SMYD3: variants seen among roughly 807,000 people sequenced by gnomAD.
SMYD3 encodes histone-lysine N-methyltransferase SMYD3.
Under a neutral mutation model 57.7 loss-of-function variants are expected in SMYD3, and 36 were observed. The ratio of observed to expected loss-of-function variants is 0.62; its 90% CI spans 0.48 to 0.82. The LOEUF (loss-of-function observed/expected upper bound fraction) is 0.82, where lower values mean the gene tolerates loss of function less well. SMYD3 is among the 40% of genes least tolerant of loss of function. SMYD3 has a pLI of 0.00. For missense variants in SMYD3, 515 were observed against 538.8 expected (o/e 0.96, Z 0.44); for synonymous variants, 211 against 195.0 (o/e 1.08, Z -0.68).
At chr1:246,131,585 T>G (rs1337015823) in intron 5 of SMYD3, among the ~76,000 whole-genome samples, 2 of 152,222 alleles carry the variant, frequency 1.3e-5, no homozygotes, top group African/African-American at 4.8e-5. Flanking sequence ...CCCAACACTG[T>G]GCGGGGCACA....
At position 246,480,041 on chromosome 1, in the gene SMYD3, G is replaced by A. The variant is rs1427217767; in HGVS notation, c.164+27013C>T. Among the ~76,000 whole-genome samples, 3 of 152,146 alleles carry A rather than the reference G, an allele frequency of 2.0e-5. No individual in the cohort carries two copies. The East Asian group carries it at 5.8e-4, about 29-fold the overall frequency. On this transcript the variant is annotated intron_variant, in intron 1 of 11. Coordinates refer to ENST00000490107, the MANE Select transcript of SMYD3 (RefSeq NM_001167740.2). ...TTGGATTCAGCCTGTGTATTTTTAG[G>A]TATCACTAAAAGAAGTTCAAGGATC...
At chr1:246,259,183 G>A (rs2063953966) in intron 5 of SMYD3, among the ~76,000 whole-genome samples, 1 of 152,094 alleles carries the variant, frequency 6.6e-6, no homozygotes, top group Non-Finnish European at 1.5e-5. Flanking sequence ...TGCAATTCAT[G>A]CTTTGAATTA....
rs770099302 is a variant in SMYD3 at position 245,863,813 on chromosome 1, A to C, written c.887T>G (p.Leu296Arg). ...CGAAAGGATACTCCAGTGTGCCTTC[A>C]GTTCTTCAATTTTTTTCAGGGATTC... Reference protein sequence around the residue: ...VQESLKKIEELKAHWKWEQVL... With the variant: ...VQESLKKIEERKAHWKWEQVL... Residue 296 changes from leucine (L) to arginine (R), a missense_variant, in exon 9 of 12, where the codon CTG becomes CGG. Coordinates refer to ENST00000490107, the MANE Select transcript of SMYD3 (RefSeq NM_001167740.2). 1 of 1,613,930 alleles carries C rather than the reference A, an allele frequency of 6.2e-7. No homozygotes were observed. Among genetic ancestry groups the C allele is most frequent in the Non-Finnish European group, 8.5e-7 (1 of 1,179,918 alleles).
chr1:245,830,568 T>C (rs1340826951), intron 10 of SMYD3, among the ~76,000 whole-genome samples: 1 of 152,214 alleles, frequency 6.6e-6, no homozygotes, highest in Admixed American at 6.5e-5. Context: ...CTGGGCACCA[T>C]GTTGCTGTTT....
chr1:246,123,877 C>T (rs958664580), intron 5 of SMYD3, among the ~76,000 whole-genome samples: 21 of 152,098 alleles, frequency 1.4e-4, no homozygotes, highest in African/African-American at 5.1e-4. Context: ...ACCCTAGCAC[C>T]CAAAGATGGG....
intron 1 of SMYD3, among the ~76,000 whole-genome samples, chr1:246,364,609 G>C (rs189115436): frequency 1.3e-5 from 2 of 152,120 alleles, no homozygotes; most frequent in African/African-American, 4.8e-5. Flanking sequence ...GGATAAAAAC[G>C]GAATCCTATA....
At chr1:246,434,626 T>C (rs2067343580) in intron 1 of SMYD3, among the ~76,000 whole-genome samples, 1 of 152,152 alleles carries the variant, frequency 6.6e-6, no homozygotes, top group Non-Finnish European at 1.5e-5. Context: ...GAATGGCTTT[T>C]ATTAAAAAGT....
intron 5 of SMYD3, among the ~76,000 whole-genome samples, chr1:246,012,335 TACCGGTTATCAATAAATAAGTAG>T (rs2059298193): frequency 6.6e-6 from 1 of 152,332 alleles, no homozygotes; most frequent in South Asian, 2.1e-4. Context: ...ATAGCAAATG[TACCGGTTATCAATAAATAAGTAG>T]AGTTTCCACG....
Position 246,082,240 on chromosome 1 carries a change from G to A in SMYD3, c.532-152303C>T, listed in dbSNP as rs539402428. 1.6e-4 allele frequency among the ~76,000 whole-genome samples: 24 copies of A among 152,298 alleles called. No homozygotes were observed. In the South Asian group the frequency reaches 1.9e-3, roughly 12 times the overall value. On this transcript the variant is annotated intron_variant, in intron 5 of 11. Coordinates refer to ENST00000490107, the MANE Select transcript of SMYD3 (RefSeq NM_001167740.2). Reference sequence around the variant, plus strand: ...GCCTGCAATTTGTTAAAATGTAGGCGTAGTTTCTATAATCCCTTACTGCTC... The same window carrying A: ...GCCTGCAATTTGTTAAAATGTAGGCATAGTTTCTATAATCCCTTACTGCTC...
intron 5 of SMYD3, among the ~76,000 whole-genome samples, chr1:245,983,493 C>T (rs1242392087): frequency 6.6e-6 from 1 of 152,162 alleles, no homozygotes; most frequent in East Asian, 1.9e-4. Context: ...CGACCAGATG[C>T]CCATGGCAGA....
intron 5 of SMYD3, among the ~76,000 whole-genome samples, chr1:246,138,846 T>C (rs1433200743): frequency 6.6e-6 from 1 of 152,198 alleles, no homozygotes; most frequent in Non-Finnish European, 1.5e-5. Flanking sequence ...TCAAGTTTGC[T>C]AGACATAATC....
chr1:246,418,248 C>T (rs965300900), intron 1 of SMYD3, among the ~76,000 whole-genome samples: 2 of 152,172 alleles, frequency 1.3e-5, no homozygotes, highest in African/African-American at 2.4e-5. Context: ...GATAAACCGA[C>T]AAATATTATA....
intron 5 of SMYD3, among the ~76,000 whole-genome samples, chr1:246,018,167 A>G (rs1481090448): frequency 6.6e-6 from 1 of 152,228 alleles, no homozygotes; most frequent in Non-Finnish European, 1.5e-5. Flanking sequence ...ACAGACACAA[A>G]GATCTGCATC....
At chr1:245,816,448 G>C (rs1007394683) in intron 10 of SMYD3, among the ~76,000 whole-genome samples, 1 of 137,060 alleles carries the variant, frequency 7.3e-6, no homozygotes, top group Non-Finnish European at 1.5e-5. Flanking sequence ...ACTCATCTAA[G>C]CAACTGCAAA....
chr1:246,444,331 G>A (rs938206517), intron 1 of SMYD3, among the ~76,000 whole-genome samples: 1 of 151,954 alleles, frequency 6.6e-6, no homozygotes, highest in Non-Finnish European at 1.5e-5. Context: ...TCACCATGTT[G>A]GCCAGACTGG....
chr1:246,340,012 A>G (rs1332170586), intron 2 of SMYD3, among the ~76,000 whole-genome samples: 2 of 152,172 alleles, frequency 1.3e-5, no homozygotes, highest in Non-Finnish European at 2.9e-5. Flanking sequence ...GCACAAAAAC[A>G]GATCAAGACA....
chr1:245,760,428 C>T (rs976021217), intron 11 of SMYD3, among the ~76,000 whole-genome samples: 1 of 152,122 alleles, frequency 6.6e-6, no homozygotes, highest in Non-Finnish European at 1.5e-5. Context: ...AAGAAACTGA[C>T]CTGCTTCTAG....
intron 10 of SMYD3, among the ~76,000 whole-genome samples, chr1:245,845,999 C>A (rs984909213): frequency 1.3e-5 from 2 of 152,180 alleles, no homozygotes; most frequent in South Asian, 2.1e-4. Context: ...CCCACAAAGG[C>A]CAAAGCCATC....
chr1:245,954,331 G>T (rs2057760686), intron 5 of SMYD3, among the ~76,000 whole-genome samples: 2 of 152,148 alleles, frequency 1.3e-5, no homozygotes. Context: ...TGAGCCAGAG[G>T]CAGTAAGGAA....
Sources: gnomAD v4.1 joint callset for allele counts (sites outside exome capture counted in the v4.1 genomes callset) on GRCh38, gnomAD v4.1.1 for gene constraint, MANE v1.5 for transcripts, NCBI Gene and HGNC (gene_info 2026-07-23, HGNC 2026-07-21) for gene names.